Variants in UGT2B7 observed in about 807,000 individuals in gnomAD.
The protein encoded by UGT2B7 is UDP-glucuronosyltransferase 2B7.
In UGT2B7, 51 loss-of-function variants were observed where a neutral mutation model predicts 51.9. The observed-to-expected ratio is 0.98, with a 90% CI of 0.78 to 1.24. The LOEUF (loss-of-function observed/expected upper bound fraction) is 1.24. Ranked by LOEUF, UGT2B7 falls within the 50% of genes most tolerant of loss-of-function variation. The pLI is 0.00. For missense variants in UGT2B7, 727 were observed against 628.4 expected, an observed-to-expected ratio of 1.16 and a Z score of -1.68; for synonymous variants, 225 against 211.6, an observed-to-expected ratio of 1.06 and a Z score of -0.55.
At chr4:69,074,447 A>ATATATATATATATATATATATATATAT (rs1560502384) in intron 1 of UGT2B7, among the ~76,000 whole-genome samples, 2 of 93,244 alleles carry the variant, frequency 2.1e-5, no homozygotes, top group African/African-American at 1.2e-4. Flanking sequence ...TATATATATA[A>ATATATATATATATATATATATATATAT]ATTAAAAATC....
At position 69,103,640 on chromosome 4, in the gene UGT2B7, AT is replaced by A. The variant is rs1367445602; in HGVS notation, c.1002+707del. Among the ~76,000 whole-genome samples the A allele has an allele frequency of 7.2e-5, 11 of 152,290 alleles. No homozygotes were observed. In the East Asian group the frequency reaches 2.1e-3, roughly 29 times the overall value. The stretch of plus-strand genomic sequence containing the variant: ...GTGTCCTTTTAGAAATACAAGTAAA[AT>A]TTTTGATAATTAGCTTCAAAACAGT... On this transcript the variant is annotated intron_variant, in intron 3 of 5. Coordinates refer to ENST00000305231, the MANE Select transcript of UGT2B7 (RefSeq NM_001074.4).
At chr4:69,096,406 A>AAC, upstream of UGT2B7, 12 of 1,507,508 alleles carry the variant, frequency 8.0e-6, no homozygotes, top group Non-Finnish European at 1.1e-5. Flanking sequence ...TATTGTATGT[A>AAC]CTTTGACTTA....
At chr4:69,058,840 G>C (rs1217225082) in intron 1 of UGT2B7, among the ~76,000 whole-genome samples, 1 of 152,098 alleles carries the variant, frequency 6.6e-6, no homozygotes, top group East Asian at 1.9e-4. Context: ...AGGGAAGCTG[G>C]CTTTGCAAGG....
At chr4:69,082,615 G>A (rs911176026) in intron 1 of UGT2B7, among the ~76,000 whole-genome samples, 1 of 151,970 alleles carries the variant, frequency 6.6e-6, no homozygotes, top group Non-Finnish European at 1.5e-5. Context: ...AAATACATGA[G>A]GGAGCCAAAG....
Position 69,108,306 on chromosome 4 carries a change from G to T in UGT2B7, c.1294G>T (p.Val432Leu). The T allele has an allele frequency of 6.2e-7, 1 of 1,613,446 alleles. No homozygotes were observed. Among genetic ancestry groups the T allele is most frequent in the Non-Finnish European group, 8.5e-7 (1 of 1,179,504 alleles). Residue 432 changes from valine (V) to leucine (L), a missense_variant, in exon 5 of 6, where the codon GTA becomes TTA. Transcript: ENST00000305231. ...AGACTTGCTGAATGCATTGAAGAGA[G>T]TAATTAATGATCCTTCGTGAGTAGA... is the stretch of plus-strand genomic sequence containing the variant. The part of the protein sequence containing the change: ...STDLLNALKR[V>L]INDPSYKENV...
intron 1 of UGT2B7, among the ~76,000 whole-genome samples, chr4:69,064,094 A>AAGAAAGAGAGAGAGAG (rs1560499755): frequency 1.4e-4 from 12 of 84,402 alleles, no homozygotes; most frequent in South Asian, 3.9e-4. Flanking sequence ...GAAAGAAAGA[A>AAGAAAGAGAGAGAGAG]AGAGAAAGAA....
chr4:69,093,401 T>A (rs62296942), upstream of UGT2B7, among the ~76,000 whole-genome samples: 1 of 151,988 alleles, frequency 6.6e-6, no homozygotes, highest in South Asian at 2.1e-4. Flanking sequence ...AACACTGCTA[T>A]CACGGCTGGT....
At chr4:69,084,002 T>A (rs1483057455) in intron 1 of UGT2B7, among the ~76,000 whole-genome samples, 1 of 152,122 alleles carries the variant, frequency 6.6e-6, no homozygotes. Flanking sequence ...TACTCTGATG[T>A]TACCTGTGCA....
intron 1 of UGT2B7, among the ~76,000 whole-genome samples, chr4:69,058,179 A>G (rs1718252574): frequency 6.6e-6 from 1 of 152,200 alleles, no homozygotes; most frequent in African/African-American, 2.4e-5. Flanking sequence ...ACAAAAAGAA[A>G]GCCACAGGAA....
chr4:69,082,535 C>A (rs1718863390), intron 1 of UGT2B7, among the ~76,000 whole-genome samples: 1 of 152,064 alleles, frequency 6.6e-6, no homozygotes, highest in East Asian at 1.9e-4. Flanking sequence ...ATCAAACCAG[C>A]CACAATCACG....
intron 1 of UGT2B7, among the ~76,000 whole-genome samples, chr4:69,087,789 AT>A (rs541855163): frequency 1.1e-4 from 16 of 150,926 alleles, no homozygotes; most frequent in African/African-American, 2.2e-4. Flanking sequence ...TATTTATTTT[AT>A]TTTTTTTTGA....
At chr4:69,089,645 G>T (rs1719041456) in intron 2 of UGT2B7, 1 of 152,362 alleles carries the variant, frequency 6.6e-6, no homozygotes, top group African/African-American at 2.4e-5. Context: ...CATTTACACA[G>T]TGAAGAAAAT....
At chr4:69,095,100 A>G (rs1376247017), upstream of UGT2B7, among the ~76,000 whole-genome samples, 2 of 152,154 alleles carry the variant, frequency 1.3e-5, no homozygotes, top group Non-Finnish European at 2.9e-5. Flanking sequence ...TTGTTATAGG[A>G]CCAACAGTTT....
intron 3 of UGT2B7, among the ~76,000 whole-genome samples, chr4:69,103,471 C>A (rs1341485207): frequency 1.3e-5 from 2 of 152,112 alleles, no homozygotes; most frequent in Non-Finnish European, 2.9e-5. Context: ...ACTTGAGACC[C>A]ACAGTTATTT....
intron 1 of UGT2B7, among the ~76,000 whole-genome samples, chr4:69,079,967 C>G (rs940212691): frequency 6.6e-6 from 1 of 152,054 alleles, no homozygotes; most frequent in Middle Eastern, 3.4e-3. Flanking sequence ...AAATACTTCA[C>G]TTTCTTCTAA....
At position 69,107,951 on chromosome 4, in the gene UGT2B7, G is replaced by C. The variant is rs78965261; in HGVS notation, c.1091-152G>C. 1.1e-5 allele frequency: 10 copies of C among 944,392 alleles called. No individual in the cohort carries two copies. In the African/African-American group the frequency reaches 1.7e-4, roughly 16 times the overall value. 58.5% of individuals were successfully genotyped at this position (944,392 alleles called of 1,614,324 possible). On this transcript the variant is annotated intron_variant, in intron 4 of 5. Transcript: ENST00000305231. The stretch of plus-strand genomic sequence containing the variant: ...CGTATAGCCTTCAGTTACATACCCA[G>C]TACAAGTACGTGTTTTTTCCTCCGA...
chr4:69,093,552 G>T (rs757462516), upstream of UGT2B7, among the ~76,000 whole-genome samples: 1 of 152,140 alleles, frequency 6.6e-6, no homozygotes, highest in Non-Finnish European at 1.5e-5. Flanking sequence ...AGCTACTTTT[G>T]CCAGGAAGCC....
upstream of UGT2B7, among the ~76,000 whole-genome samples, chr4:69,094,543 A>T (rs951646917): frequency 6.6e-6 from 1 of 152,240 alleles, no homozygotes; most frequent in Non-Finnish European, 1.5e-5. Flanking sequence ...GCCTTAATTT[A>T]AAAACACTTA....
intron 1 of UGT2B7, among the ~76,000 whole-genome samples, chr4:69,062,055 A>G (rs1361100043): frequency 6.6e-6 from 1 of 152,178 alleles, no homozygotes; most frequent in East Asian, 1.9e-4. Context: ...TCAGGACTTA[A>G]CTCGACTGTT....
Sources: gnomAD v4.1 joint callset for allele counts (sites outside exome capture counted in the v4.1 genomes callset) on GRCh38, gnomAD v4.1.1 for gene constraint, MANE v1.5 for transcripts, NCBI Gene and HGNC (gene_info 2026-07-23, HGNC 2026-07-21) for gene names.